NKAIN3: variants seen among roughly 807,000 people sequenced by gnomAD.
NKAIN3 encodes sodium/potassium-transporting ATPase subunit beta-1-interacting protein 3.
NKAIN3 carries 25 observed loss-of-function variants against 30.2 expected under a neutral mutation model. That is an observed-to-expected ratio of 0.83 (90% CI 0.60 to 1.16). The LOEUF is 1.16. Among genes scored for constraint, NKAIN3 ranks in the 50% most tolerant of loss-of-function variants. The pLI, the probability that NKAIN3 is intolerant of heterozygous loss-of-function variation, is 0.00. For missense variants in NKAIN3, 225 were observed against 254.1 expected, an observed-to-expected ratio of 0.89 and a Z score of 0.78; for synonymous variants, 91 against 89.6, an observed-to-expected ratio of 1.02 and a Z score of -0.09.
chr8:62,500,474 AAAG>A (rs1563427440), intron 1 of NKAIN3, among the ~76,000 whole-genome samples: 127 of 145,258 alleles, frequency 8.7e-4, no homozygotes, highest in African/African-American at 3.0e-3. Flanking sequence ...AGAAAGAAAG[AAAG>A]AAAGAAAGAA....
At chr8:62,763,731 T>C (rs1396413750) in intron 4 of NKAIN3, among the ~76,000 whole-genome samples, 1 of 152,170 alleles carries the variant, frequency 6.6e-6, no homozygotes, top group African/African-American at 2.4e-5. Context: ...ACAGCTACTG[T>C]TAAGAGTTAA....
intron 4 of NKAIN3, among the ~76,000 whole-genome samples, chr8:62,757,824 G>T (rs1471496172): frequency 1.3e-5 from 2 of 152,232 alleles, no homozygotes; most frequent in Non-Finnish European, 2.9e-5. Flanking sequence ...AAAGGTTGAA[G>T]ATAATGATGA....
intron 4 of NKAIN3, among the ~76,000 whole-genome samples, chr8:62,847,184 T>C (rs1324149625): frequency 1.3e-5 from 2 of 152,086 alleles, no homozygotes; most frequent in Non-Finnish European, 2.9e-5. Context: ...ATAATTTATA[T>C]TCCTTTAGGT....
At chr8:62,498,914 T>C (rs1807328484) in intron 1 of NKAIN3, among the ~76,000 whole-genome samples, 1 of 152,130 alleles carries the variant, frequency 6.6e-6, no homozygotes, top group African/African-American at 2.4e-5. Flanking sequence ...TGTTCCGAGA[T>C]ATCCTTCCCC....
chr8:62,603,467 G>A (rs1331010296), intron 3 of NKAIN3, among the ~76,000 whole-genome samples: 4 of 152,076 alleles, frequency 2.6e-5, no homozygotes, highest in African/African-American at 4.8e-5. Context: ...CTACTCCCAC[G>A]TATGTTACAG....
At chr8:62,757,063 G>C (rs1046144254) in intron 4 of NKAIN3, among the ~76,000 whole-genome samples, 3 of 152,030 alleles carry the variant, frequency 2.0e-5, no homozygotes, top group East Asian at 1.9e-4. Flanking sequence ...ATCGTATCTA[G>C]TACAAAAGCC....
At chr8:62,844,598 C>T (rs1315882412) in intron 4 of NKAIN3, among the ~76,000 whole-genome samples, 1 of 152,130 alleles carries the variant, frequency 6.6e-6, no homozygotes, top group African/African-American at 2.4e-5. Flanking sequence ...TCTTTTACTT[C>T]AACGTTAACA....
chr8:62,854,092 A>G (rs62510780), intron 4 of NKAIN3, among the ~76,000 whole-genome samples: 12,540 of 152,214 alleles, frequency 0.082, 576 homozygotes, highest in South Asian at 0.14. Context: ...GCTCTTTTGC[A>G]TTTGCTGAGG....
At chr8:62,550,312 T>G (rs1809158435) in intron 1 of NKAIN3, among the ~76,000 whole-genome samples, 1 of 152,246 alleles carries the variant, frequency 6.6e-6, no homozygotes, top group Admixed American at 6.5e-5. Context: ...TGTATGATTC[T>G]CATATGTCAT....
chr8:62,343,470 A>G (rs536801970), intron 1 of NKAIN3, among the ~76,000 whole-genome samples: 58 of 152,168 alleles, frequency 3.8e-4, no homozygotes, highest in African/African-American at 9.4e-4. Context: ...ACTATTCTAT[A>G]GTCAGTTGAA....
At chr8:62,408,386 C>A (rs1804141074) in intron 1 of NKAIN3, among the ~76,000 whole-genome samples, 1 of 152,048 alleles carries the variant, frequency 6.6e-6, no homozygotes, top group Admixed American at 6.5e-5. Context: ...ATACAGCCCA[C>A]AAGACTGAAC....
chr8:62,745,662 C>A (rs961803678), intron 3 of NKAIN3, among the ~76,000 whole-genome samples: 5 of 152,188 alleles, frequency 3.3e-5, no homozygotes, highest in African/African-American at 1.2e-4. Context: ...TCTTAAGGAT[C>A]AAAAACCAGG....
intron 3 of NKAIN3, among the ~76,000 whole-genome samples, chr8:62,672,493 C>T (rs1285822581): frequency 1.3e-5 from 2 of 152,196 alleles, no homozygotes; most frequent in Non-Finnish European, 1.5e-5. Context: ...AGAAAAGCCA[C>T]ATTATTATCA....
At chr8:62,917,071 G>A (rs1223402486) in intron 4 of NKAIN3, among the ~76,000 whole-genome samples, 2 of 151,922 alleles carry the variant, frequency 1.3e-5, no homozygotes, top group African/African-American at 2.4e-5. Context: ...GCCCTACCAG[G>A]AAGTCCTCTG....
At chr8:62,790,612 T>G (rs868088555) in intron 4 of NKAIN3, among the ~76,000 whole-genome samples, 2 of 151,898 alleles carry the variant, frequency 1.3e-5, no homozygotes, top group Non-Finnish European at 2.9e-5. Context: ...TCTGTCTGTG[T>G]GTACAGCAGA....
intron 1 of NKAIN3, among the ~76,000 whole-genome samples, chr8:62,379,997 A>C (rs1157056153): frequency 6.6e-6 from 1 of 152,038 alleles, no homozygotes. Flanking sequence ...ATGATATCTC[A>C]TGTCTGAGGC....
chr8:62,556,130 G>A (rs1242114017), intron 1 of NKAIN3, among the ~76,000 whole-genome samples: 1 of 151,718 alleles, frequency 6.6e-6, no homozygotes. Flanking sequence ...TATATATATT[G>A]GTAAACCAGA....
At chr8:62,633,919 G>T (rs1812044120) in intron 3 of NKAIN3, among the ~76,000 whole-genome samples, 1 of 152,090 alleles carries the variant, frequency 6.6e-6, no homozygotes, top group South Asian at 2.1e-4. Flanking sequence ...GCTGATGCGG[G>T]CAATAAGGGT....
chr8:62,361,100 A>G (rs559444111), intron 1 of NKAIN3, among the ~76,000 whole-genome samples: 8 of 152,058 alleles, frequency 5.3e-5, no homozygotes, highest in Non-Finnish European at 8.8e-5. Context: ...CTTATCACCA[A>G]CGCAGTAGAA....
Sources: gnomAD v4.1 joint callset for allele counts (sites outside exome capture counted in the v4.1 genomes callset) on GRCh38, gnomAD v4.1.1 for gene constraint, MANE v1.5 for transcripts, NCBI Gene and HGNC (gene_info 2026-07-23, HGNC 2026-07-21) for gene names.